Variants in CRTC3 observed in about 807,000 individuals in gnomAD.
CRTC3 encodes the protein CREB-regulated transcription coactivator 3.
Under a neutral mutation model 74.5 loss-of-function variants are expected in CRTC3, and 26 were observed. The ratio of observed to expected loss-of-function variants is 0.35; its 90% CI spans 0.26 to 0.48. The LOEUF (loss-of-function observed/expected upper bound fraction) is 0.48. CRTC3 is among the 20% of genes least tolerant of loss of function. The pLI is 0.99. For missense variants in CRTC3, 760 were observed against 787.3 expected (o/e 0.97, Z 0.41); for synonymous variants, 377 against 325.8 (o/e 1.16, Z -1.69).
In CRTC3 at chr15:90,543,650, C is replaced by T. The variant is rs571645116; in HGVS notation, c.231+3513C>T. ...TTCTCCCCAATTAGGCTGGTGGGAG[C>T]CCTCTTCCGAACTGAGAAAAATTCT... On this transcript the variant is annotated intron_variant, in intron 2 of 14. Coordinates refer to ENST00000268184, the MANE Select transcript of CRTC3 (RefSeq NM_022769.5). 3.9e-5 allele frequency among the ~76,000 whole-genome samples: 6 copies of T among 152,228 alleles called. No individual in the cohort carries two copies. The South Asian group carries it at 1.2e-3, about 32-fold the overall frequency.
chr15:90,629,746 A>G (rs1968971261), intron 11 of CRTC3, among the ~76,000 whole-genome samples: 1 of 152,138 alleles, frequency 6.6e-6, no homozygotes, highest in African/African-American at 2.4e-5. Flanking sequence ...TTTTTTGAGA[A>G]AGGGTCTCAC....
chr15:90,533,024 G>T (rs546539744), intron 1 of CRTC3, among the ~76,000 whole-genome samples: 1 of 140,864 alleles, frequency 7.1e-6, no homozygotes, highest in African/African-American at 2.7e-5. Flanking sequence ...GGTGGAGGTT[G>T]CAGTGAGCCG....
chr15:90,635,118 A>T, intron 11 of CRTC3: 1 of 631,400 alleles, frequency 1.6e-6, no homozygotes, highest in South Asian at 1.7e-5. Flanking sequence ...AATAATTTCC[A>T]TATTTCTTAT....
chr15:90,589,380 C>G (rs1734074126), intron 2 of CRTC3, among the ~76,000 whole-genome samples: 1 of 152,052 alleles, frequency 6.6e-6, no homozygotes, highest in South Asian at 2.1e-4. Flanking sequence ...GAGACAGGGT[C>G]TTGTTCTGTC....
chr15:90,546,678 A>G (rs1966844773), intron 2 of CRTC3, among the ~76,000 whole-genome samples: 1 of 152,152 alleles, frequency 6.6e-6, no homozygotes, highest in South Asian at 2.1e-4. Flanking sequence ...GCTGGAGTGC[A>G]GTGGCACGAT....
chr15:90,571,191 G>A (rs1967256325), intron 2 of CRTC3, among the ~76,000 whole-genome samples: 1 of 152,150 alleles, frequency 6.6e-6, no homozygotes, highest in African/African-American at 2.4e-5. Flanking sequence ...TCAGTCCAGT[G>A]GGAGAGGCAG....
At chr15:90,551,760 A>G (rs1038795523) in intron 2 of CRTC3, among the ~76,000 whole-genome samples, 1 of 15,634 alleles carries the variant, frequency 6.4e-5, no homozygotes, top group Non-Finnish European at 1.5e-4. Context: ...TTAAGTTCAT[A>G]TCAAAAACTT....
rs1351615390 is a variant in CRTC3, at chr15:90,644,072, G to A, written c.*1932G>A. The A allele has an allele frequency of 4.3e-6, 1 of 230,846 alleles. No individual in the cohort carries two copies. The highest frequency in any genetic ancestry group is 8.6e-6 in the Non-Finnish European group (1 of 116,674). The allele number at this position is 230,846 out of a possible 1,614,324, so 14.3% of individuals were successfully genotyped here. On this transcript the variant is annotated 3_prime_UTR_variant, in exon 15 of 15. Coordinates refer to ENST00000268184, the MANE Select transcript of CRTC3 (RefSeq NM_022769.5). ...CTTCCTCTGGAATCCAAGTATTCCT[G>A]TTTCACATTTGCCCCAAATCTTTGC...
At chr15:90,630,546 C>A (rs192831842) in intron 11 of CRTC3, among the ~76,000 whole-genome samples, 1 of 152,134 alleles carries the variant, frequency 6.6e-6, no homozygotes, top group South Asian at 2.1e-4. Context: ...CCCAGGAGGT[C>A]GAGGCTGCAG....
chr15:90,551,678 G>A (rs980131086), intron 2 of CRTC3, among the ~76,000 whole-genome samples: 2 of 152,014 alleles, frequency 1.3e-5, no homozygotes, highest in Admixed American at 6.6e-5. Context: ...TTCCCTGCTC[G>A]TCTTTATCAG....
chr15:90,561,657 C>A (rs1967013501), intron 2 of CRTC3, among the ~76,000 whole-genome samples: 1 of 152,164 alleles, frequency 6.6e-6, no homozygotes, highest in African/African-American at 2.4e-5. Context: ...CTTAATCCAG[C>A]CTCTGACTGC....
chr15:90,622,085 G>A lies in CRTC3; in HGVS notation c.749+2295G>A, dbSNP rs544309005. Among the ~76,000 whole-genome samples the A allele has an allele frequency of 2.0e-5, 3 of 152,270 alleles. No homozygotes were observed. In the East Asian group the frequency reaches 5.8e-4, roughly 29 times the overall value. ...TGATAGTGTGAAGCGACGCAGAGAG[G>A]GCTCCAGGCAGCAGGAACAGCAAGT... is the stretch of plus-strand genomic sequence containing the variant. On this transcript the variant is annotated intron_variant, in intron 9 of 14. Coordinates refer to ENST00000268184, the MANE Select transcript of CRTC3 (RefSeq NM_022769.5).
At chr15:90,621,933 T>A (rs1342199282) in intron 9 of CRTC3, among the ~76,000 whole-genome samples, 1 of 152,182 alleles carries the variant, frequency 6.6e-6, no homozygotes, top group Non-Finnish European at 1.5e-5. Flanking sequence ...AATAATCTAG[T>A]AGAGCAAGAT....
chr15:90,541,803 T>TTTTTA (rs1966807422), intron 2 of CRTC3, among the ~76,000 whole-genome samples: 1 of 149,296 alleles, frequency 6.7e-6, no homozygotes, highest in African/African-American at 2.5e-5. Context: ...TTTTTTTTTT[T>TTTTTA]GAGATGGAGT....
intron 2 of CRTC3, among the ~76,000 whole-genome samples, chr15:90,584,174 C>G (rs1434776174): frequency 6.6e-6 from 1 of 151,922 alleles, no homozygotes; most frequent in Non-Finnish European, 1.5e-5. Context: ...AATAAAGAGC[C>G]CTGCAAGCTT....
intron 11 of CRTC3, among the ~76,000 whole-genome samples, chr15:90,635,967 A>C (rs894933968): frequency 1.3e-5 from 2 of 152,100 alleles, no homozygotes; most frequent in African/African-American, 2.4e-5. Context: ...ATATTGTGAA[A>C]ATGGCCATAC....
At chr15:90,636,187 T>G (rs1969228872) in intron 11 of CRTC3, among the ~76,000 whole-genome samples, 1 of 151,322 alleles carries the variant, frequency 6.6e-6, no homozygotes, top group Admixed American at 6.6e-5. Context: ...CAAAACAGCA[T>G]GGTACTGGTA....
intron 2 of CRTC3, among the ~76,000 whole-genome samples, chr15:90,561,008 C>T (rs2151065729): frequency 6.6e-6 from 1 of 152,324 alleles, no homozygotes; most frequent in Middle Eastern, 3.4e-3. Context: ...GTCACAAGTG[C>T]AGTCCCTAGA....
intron 2 of CRTC3, among the ~76,000 whole-genome samples, chr15:90,593,099 G>A (rs1199290248): frequency 6.6e-6 from 1 of 152,184 alleles, no homozygotes; most frequent in East Asian, 1.9e-4. Context: ...GTTGCAGTGA[G>A]CTGAGATCAC....
Sources: gnomAD v4.1 joint callset for allele counts (sites outside exome capture counted in the v4.1 genomes callset) on GRCh38, gnomAD v4.1.1 for gene constraint, MANE v1.5 for transcripts, NCBI Gene and HGNC (gene_info 2026-07-23, HGNC 2026-07-21) for gene names.